Variants in ITGA9 observed in about 807,000 individuals in gnomAD.
ITGA9 encodes integrin alpha-9.
ITGA9 carries 56 observed loss-of-function variants against 127.8 expected under a neutral mutation model. The observed-to-expected ratio is 0.44, with a 90% CI of 0.35 to 0.55. The LOEUF is 0.55. Ranked by LOEUF, ITGA9 falls within the 20% of genes least tolerant of loss-of-function variation. ITGA9 has a pLI of 0.00. For missense variants in ITGA9, 1,196 were observed against 1,347.1 expected, an observed-to-expected ratio of 0.89 and a Z score of 1.76; for synonymous variants, 508 against 514.5, an observed-to-expected ratio of 0.99 and a Z score of 0.17.
At position 37,641,515 on chromosome 3, in the gene ITGA9, G is replaced by A. The variant is rs72857261; in HGVS notation, c.1839+12179G>A. On this transcript the variant is annotated intron_variant, in intron 16 of 27. Transcript: ENST00000264741. ...GAGGACCCATATAACCAGAACTCGGGAGCCAGCCGCACCACCATGAGCCCA... is the reference window on the plus strand; with the variant it reads ...GAGGACCCATATAACCAGAACTCGGAAGCCAGCCGCACCACCATGAGCCCA... Among the ~76,000 whole-genome samples, 665 of 152,084 alleles carry A rather than the reference G, an allele frequency of 4.4e-3. 7 individuals carry two copies. Among genetic ancestry groups the A allele is most frequent in the African/African-American group, 0.015 (620 of 41,462 alleles).
intron 11 of ITGA9, 72 bp from the exon 12 acceptor site, chr3:37,523,449 T>G: frequency 8.6e-7 from 1 of 1,156,502 alleles, no homozygotes; most frequent in Non-Finnish European, 1.3e-6. Context: ...GAAGCTGGAA[T>G]AAAGCAGTCA....
chr3:37,505,939 G>A, intron 6 of ITGA9, 61 bp from the exon 7 acceptor site: 1 of 1,195,470 alleles, frequency 8.4e-7, no homozygotes, highest in African/African-American at 1.5e-5. Context: ...TCTGATGGAT[G>A]TTTTTTTTTC....
intron 8 of ITGA9, among the ~76,000 whole-genome samples, chr3:37,512,073 T>TTTCTTTCTTTCCTTCCTTCCTTCCTTCC (rs1559524676): frequency 2.5e-5 from 1 of 39,238 alleles, no homozygotes; most frequent in African/African-American, 1.1e-4. Context: ...TCTTTCTTTC[T>TTTCTTTCTTTCCTTCCTTCCTTCCTTCC]TTCCTTCCTT....
intron 15 of ITGA9, among the ~76,000 whole-genome samples, chr3:37,590,401 G>A (rs969067052): frequency 6.6e-6 from 1 of 152,182 alleles, no homozygotes; most frequent in Non-Finnish European, 1.5e-5. Context: ...GTGAGGGTGT[G>A]CATGAGGGAG....
intron 1 of ITGA9, among the ~76,000 whole-genome samples, chr3:37,453,144 C>A (rs915699252): frequency 2.0e-5 from 3 of 147,558 alleles, no homozygotes; most frequent in African/African-American, 7.6e-5. Flanking sequence ...TCCTACAAGA[C>A]CCTGGGTGGA....
chr3:37,588,889 A>G (rs928199008), intron 15 of ITGA9, among the ~76,000 whole-genome samples: 1 of 152,162 alleles, frequency 6.6e-6, no homozygotes, highest in Non-Finnish European at 1.5e-5. Context: ...TCTGAGCATC[A>G]TCCTCGTGGC....
At chr3:37,470,534 A>G (rs958922394) in intron 1 of ITGA9, among the ~76,000 whole-genome samples, 1 of 152,050 alleles carries the variant, frequency 6.6e-6, no homozygotes, top group Non-Finnish European at 1.5e-5. Flanking sequence ...TATTCTGTTG[A>G]CTTGTCTTTT....
At chr3:37,780,972 G>T (rs1249412621) in intron 25 of ITGA9, among the ~76,000 whole-genome samples, 2 of 152,226 alleles carry the variant, frequency 1.3e-5, no homozygotes, top group African/African-American at 4.8e-5. Context: ...CTCAAAGTGT[G>T]GTCCGAGGAC....
intron 24 of ITGA9, among the ~76,000 whole-genome samples, chr3:37,779,578 T>TTCAGAATGC (rs1696950491): frequency 6.6e-6 from 1 of 152,186 alleles, no homozygotes; most frequent in Admixed American, 6.5e-5. Flanking sequence ...TAAGAATGCT[T>TTCAGAATGC]TCAGAATGCA....
intron 1 of ITGA9, among the ~76,000 whole-genome samples, chr3:37,464,831 G>C (rs1698353324): frequency 6.6e-6 from 1 of 152,190 alleles, no homozygotes; most frequent in African/African-American, 2.4e-5. Flanking sequence ...GGCAAGCATT[G>C]GTCCCTAGTG....
chr3:37,686,173 C>A (rs1479976476), intron 18 of ITGA9, among the ~76,000 whole-genome samples: 1 of 152,024 alleles, frequency 6.6e-6, no homozygotes, highest in East Asian at 1.9e-4. Context: ...GCATCTCGTC[C>A]GCATCCCCTC....
intron 16 of ITGA9, among the ~76,000 whole-genome samples, chr3:37,633,917 C>T (rs1700252438): frequency 6.6e-6 from 1 of 152,154 alleles, no homozygotes; most frequent in Admixed American, 6.5e-5. Context: ...ATGCATACTA[C>T]CTTCACACCA....
chr3:37,692,408 A>AGT (rs552452929), intron 18 of ITGA9, among the ~76,000 whole-genome samples: 5,219 of 137,630 alleles, frequency 0.038, 76 homozygotes, highest in South Asian at 0.043. Flanking sequence ...TGAGAGAGAG[A>AGT]GAGAGTGTGT....
intron 18 of ITGA9, among the ~76,000 whole-genome samples, chr3:37,702,529 G>A (rs1276690633): frequency 6.6e-6 from 1 of 152,110 alleles, no homozygotes; most frequent in African/African-American, 2.4e-5. Context: ...TTTGAATAGA[G>A]AGCTCTGTTC....
intron 15 of ITGA9, among the ~76,000 whole-genome samples, chr3:37,586,998 CAT>C (rs1211473884): frequency 1.3e-5 from 2 of 152,202 alleles, no homozygotes; most frequent in East Asian, 1.9e-4. Context: ...GTGATGCCCA[CAT>C]GTTTTAGTGT....
chr3:37,486,871 C>T (rs12634913), intron 4 of ITGA9, among the ~76,000 whole-genome samples: 1 of 152,104 alleles, frequency 6.6e-6, no homozygotes, highest in East Asian at 1.9e-4. Flanking sequence ...CCAAAGATTT[C>T]TGTACCACTC....
chr3:37,665,114 A>C (rs543609782), intron 17 of ITGA9, among the ~76,000 whole-genome samples: 92 of 152,024 alleles, frequency 6.1e-4, no homozygotes, highest in African/African-American at 2.2e-3. Context: ...CTGGGATTAC[A>C]GGTACCCACC....
intron 18 of ITGA9, among the ~76,000 whole-genome samples, chr3:37,686,310 G>C (rs538721311): frequency 3.9e-5 from 6 of 152,078 alleles, no homozygotes; most frequent in Non-Finnish European, 8.8e-5. Flanking sequence ...AGCTAGCCTT[G>C]GTCTGATTTA....
chr3:37,715,873 T>C (rs1371345875), intron 18 of ITGA9, among the ~76,000 whole-genome samples: 20 of 152,226 alleles, frequency 1.3e-4, no homozygotes, highest in Non-Finnish European at 1.8e-4. Flanking sequence ...TCTTTCCTGC[T>C]ATCTTAGGCT....
Sources: gnomAD v4.1 joint callset for allele counts (sites outside exome capture counted in the v4.1 genomes callset) on GRCh38, gnomAD v4.1.1 for gene constraint, MANE v1.5 for transcripts, NCBI Gene and HGNC (gene_info 2026-07-23, HGNC 2026-07-21) for gene names.